Variants in RGS3 observed in about 807,000 individuals in gnomAD.
RGS3 encodes the protein regulator of G protein signaling 3.
A neutral mutation model predicts 132.6 loss-of-function variants in RGS3; 80 were observed. The ratio of observed to expected loss-of-function variants is 0.60; its 90% CI spans 0.50 to 0.73. The LOEUF (loss-of-function observed/expected upper bound fraction) is 0.73, where lower values mean the gene tolerates loss of function less well. RGS3 is among the 30% of genes least tolerant of loss of function. The probability of loss-of-function intolerance (pLI) is 0.00; values close to 1 mark genes in which losing one functional copy is unlikely to be tolerated. For synonymous variants in RGS3, 598 were observed against 620.6 expected, an observed-to-expected ratio of 0.96 and a Z score of 0.54; for missense variants, 1,382 against 1,530.8, an observed-to-expected ratio of 0.90 and a Z score of 1.62.
At chr9:113,534,353 T>A (rs1012858211) in intron 18 of RGS3, among the ~76,000 whole-genome samples, 2 of 152,184 alleles carry the variant, frequency 1.3e-5, no homozygotes, top group African/African-American at 4.8e-5. Flanking sequence ...AAGTTGTAAT[T>A]ACAGTTGTCC....
intron 18 of RGS3, 49 bp from the exon 17 acceptor site, chr9:113,536,747 A>G (rs969470302): frequency 1.3e-6 from 2 of 1,594,340 alleles, no homozygotes; most frequent in South Asian, 2.2e-5. Flanking sequence ...AGCCCCCTGA[A>G]CCAGGGAGCA....
intron 15 of RGS3, 153 bp from the exon 14 acceptor site, chr9:113,517,388 G>C (rs534774029): frequency 2.0e-5 from 14 of 708,922 alleles, no homozygotes; most frequent in Non-Finnish European, 7.8e-6. Flanking sequence ...TATGTATGAG[G>C]GGGTGTGTGG....
At chr9:113,462,173 G>A (rs531053627) in exon 3 of RGS3, 1 of 1,614,078 alleles carries the variant, frequency 6.2e-7, no homozygotes, top group Admixed American at 1.7e-5. Context: ...CCAGGAAGAG[G>A]ATCACGCATG....
chr9:113,535,782 A>G (rs1441708675), intron 18 of RGS3, among the ~76,000 whole-genome samples: 1 of 152,046 alleles, frequency 6.6e-6, no homozygotes, highest in East Asian at 1.9e-4. Context: ...ATCTAATCGC[A>G]GCCCTTTGGG....
chr9:113,541,250 C>A, intron 19 of RGS3: 2 of 1,522,930 alleles, frequency 1.3e-6, no homozygotes, highest in Non-Finnish European at 1.8e-6. Context: ...GGAACAGAGG[C>A]AGGTCCTGCA....
intron 19 of RGS3, among the ~76,000 whole-genome samples, chr9:113,571,516 C>T (rs1834289065): frequency 1.3e-5 from 2 of 152,078 alleles, no homozygotes; most frequent in African/African-American, 4.8e-5. Context: ...TTTGGATGAC[C>T]TCTTTTGAAA....
intron 19 of RGS3, 165 bp from the exon 18 acceptor site, chr9:113,583,285 C>A (rs12343129): frequency 0.094 from 118,316 of 1,253,608 alleles, 6,453 homozygotes; most frequent in African/African-American, 0.19. Context: ...GAATTGTTAC[C>A]CAGCTAAGTC....
At chr9:113,477,889 T>C (rs1462578393) in intron 3 of RGS3, among the ~76,000 whole-genome samples, 5 of 152,224 alleles carry the variant, frequency 3.3e-5, no homozygotes, top group Non-Finnish European at 1.5e-5. Flanking sequence ...GGCCCTGCCC[T>C]GCTTTCTGAT....
At chr9:113,469,692 C>T (rs1829767645) in intron 3 of RGS3, among the ~76,000 whole-genome samples, 1 of 151,482 alleles carries the variant, frequency 6.6e-6, no homozygotes, top group African/African-American at 2.4e-5. Flanking sequence ...TTTTCTTTAT[C>T]ATTTACTTCA....
intron 4 of RGS3, among the ~76,000 whole-genome samples, chr9:113,481,239 G>A (rs924189650): frequency 3.3e-5 from 5 of 152,124 alleles, no homozygotes; most frequent in African/African-American, 1.2e-4. Flanking sequence ...TCTCCTTTGT[G>A]TCTTTGTCAC....
chr9:113,486,694 G>A (rs1358183485), intron 7 of RGS3, among the ~76,000 whole-genome samples: 2 of 152,222 alleles, frequency 1.3e-5, no homozygotes, highest in Non-Finnish European at 2.9e-5. Context: ...GGGCTTCCGT[G>A]AATGAAAATC....
chr9:113,586,898 A>G (rs186279891), intron 20 of RGS3, among the ~76,000 whole-genome samples: 2 of 152,284 alleles, frequency 1.3e-5, no homozygotes, highest in Admixed American at 6.5e-5. Flanking sequence ...CAGGTAAAAC[A>G]TTTAGGGCAG....
chr9:113,517,310 AG>A, intron 15 of RGS3: 1 of 656,680 alleles, frequency 1.5e-6, no homozygotes, highest in Non-Finnish European at 2.8e-6. Context: ...TCTCACGGTG[AG>A]GGTTGATGGG....
chr9:113,502,041 T>A (rs2119300545), intron 10 of RGS3, among the ~76,000 whole-genome samples: 1 of 152,330 alleles, frequency 6.6e-6, no homozygotes, highest in South Asian at 2.1e-4. Flanking sequence ...CGTGCTCATA[T>A]GTGAGATCGG....
intron 10 of RGS3, among the ~76,000 whole-genome samples, chr9:113,502,412 TCTGA>T (rs1830940872): frequency 6.6e-6 from 1 of 152,246 alleles, no homozygotes; most frequent in Non-Finnish European, 1.5e-5. Context: ...TCTTGACTCC[TCTGA>T]CTGGCAGTGC....
rs1008106272 is a variant in RGS3 at position 113,568,667 on chromosome 9, T to A, written c.2038-14783T>A. ...CAGCCCAAGCCGAAGCTGGGAGGTTTGTTGTTGTTTGTGGAGCCAGGCAGT... is the reference window on the plus strand; with the variant it reads ...CAGCCCAAGCCGAAGCTGGGAGGTTAGTTGTTGTTTGTGGAGCCAGGCAGT... On this transcript the variant is annotated intron_variant, in intron 19 of 24. Coordinates refer to ENST00000350696, the Ensembl canonical transcript of RGS3. Among the ~76,000 whole-genome samples, 71 of 152,138 alleles carry A rather than the reference T, an allele frequency of 4.7e-4. 1 individual carries two copies. The highest frequency in any genetic ancestry group is 8.8e-5 in the Non-Finnish European group (6 of 68,042).
intron 1 of RGS3, among the ~76,000 whole-genome samples, chr9:113,449,034 A>C (rs751008076): frequency 2.8e-4 from 43 of 152,158 alleles, no homozygotes; most frequent in Non-Finnish European, 5.4e-4. Context: ...GCTTGTGACT[A>C]GATTGTGCAG....
chr9:113,575,412 T>G (rs756850580), intron 19 of RGS3, among the ~76,000 whole-genome samples: 1 of 152,150 alleles, frequency 6.6e-6, no homozygotes, highest in Non-Finnish European at 1.5e-5. Context: ...CAGAGGAGCT[T>G]CAGTCTGTGG....
chr9:113,583,313 T>C, intron 19 of RGS3, 137 bp from the exon 18 acceptor site: 1 of 1,424,422 alleles, frequency 7.0e-7, no homozygotes, highest in Non-Finnish European at 9.2e-7. Flanking sequence ...CTTTGGGGGT[T>C]CCATCTGGCA....
Sources: gnomAD v4.1 joint callset for allele counts (sites outside exome capture counted in the v4.1 genomes callset) on GRCh38, gnomAD v4.1.1 for gene constraint, MANE v1.5 for transcripts, NCBI Gene and HGNC (gene_info 2026-07-23, HGNC 2026-07-21) for gene names.